Variants in FMR1NB observed in about 807,000 individuals in gnomAD.
FMR1NB encodes FMR1 neighbor, also known as FMR1 neighbor protein.
A neutral mutation model predicts 16.8 loss-of-function variants in FMR1NB; 10 were observed. That is an observed-to-expected ratio of 0.60 (90% CI 0.37 to 1.01). FMR1NB has a LOEUF of 1.01. FMR1NB is among the 50% of genes least tolerant of loss of function. FMR1NB has a pLI of 0.01. For synonymous variants in FMR1NB, 83 were observed against 79.1 expected (o/e 1.05, Z -0.26); for missense variants, 205 against 204.8 (o/e 1.00, Z 0.00).
At chrX:147,985,699 T>G (rs182027833) in intron 1 of FMR1NB, among the ~76,000 whole-genome samples, 72 of 112,496 alleles carry the variant, frequency 6.4e-4, no homozygotes, top group Middle Eastern at 9.1e-3. Flanking sequence ...GTGCCACATT[T>G]TATTTATCCA....
At chrX:147,999,823 T>C (rs1481448065) in intron 1 of FMR1NB, among the ~76,000 whole-genome samples, 1 of 111,849 alleles carries the variant, frequency 8.9e-6, no homozygotes, top group Admixed American at 9.6e-5. Context: ...AAATGGATTA[T>C]GTTTAATATT....
intron 2 of FMR1NB, among the ~76,000 whole-genome samples, chrX:148,003,643 C>A (rs2044581957): frequency 8.9e-6 from 1 of 112,276 alleles, no homozygotes; most frequent in South Asian, 3.7e-4. Flanking sequence ...AATGGCATTG[C>A]CTGAAATTCA....
chrX:148,026,223 C>T (rs1373267431), intron 5 of FMR1NB, among the ~76,000 whole-genome samples: 1 of 110,780 alleles, frequency 9.0e-6, no homozygotes, highest in Non-Finnish European at 1.9e-5. Context: ...ACTAGACTAA[C>T]AAAACTTGGT....
In FMR1NB at chrX:148,003,268, T is replaced by C; in HGVS notation, c.345T>C (p.Ser115=). The change falls in exon 2 of 6, where the codon TCT becomes TCC. Residue 115 remains serine, a synonymous_variant. Coordinates refer to ENST00000370467, the MANE Select transcript of FMR1NB (RefSeq NM_152578.3). ...ACAGTGAAAATGCTCATGGCCAATC[T>C]CTGGAAGAAGATTCCGCATTGGAAG... is the stretch of plus-strand genomic sequence containing the variant. The part of the protein sequence containing the change: ...LPNSENAHGQ[S]LEEDSALEAL... 1.7e-6 allele frequency: 2 copies of C among 1,211,347 alleles called. No homozygotes were observed. Among genetic ancestry groups the C allele is most frequent in the Non-Finnish European group, 2.2e-6 (2 of 894,935 alleles).
chrX:148,013,063 A>G (rs138143621), intron 4 of FMR1NB, among the ~76,000 whole-genome samples: 30 of 111,328 alleles, frequency 2.7e-4, no homozygotes, highest in African/African-American at 9.5e-4. Flanking sequence ...GCAAACTGGA[A>G]CTCTGTTCTA....
intron 2 of FMR1NB, among the ~76,000 whole-genome samples, chrX:148,003,871 A>C (rs1334440131): frequency 1.8e-5 from 2 of 111,989 alleles, no homozygotes; most frequent in Non-Finnish European, 3.8e-5. Context: ...AACACGTTTC[A>C]TTTTGTATAG....
intron 3 of FMR1NB, chrX:148,008,296 C>T (rs1603082149): frequency 1.0e-5 from 2 of 200,826 alleles, no homozygotes; most frequent in Non-Finnish European, 1.8e-5. Context: ...AACATATGGC[C>T]AAGAGAAAAA....
chrX:148,014,220 G>A (rs1419271396), intron 4 of FMR1NB, among the ~76,000 whole-genome samples: 1 of 111,228 alleles, frequency 9.0e-6, no homozygotes, highest in Non-Finnish European at 1.9e-5. Flanking sequence ...TTGGAGGATG[G>A]CTAGGAGGTG....
intron 4 of FMR1NB, among the ~76,000 whole-genome samples, chrX:148,024,642 A>G (rs139798304): frequency 6.2e-5 from 7 of 112,019 alleles, no homozygotes; most frequent in Non-Finnish European, 1.3e-4. Flanking sequence ...AGATGGTCAC[A>G]TAATCAAAAT....
chrX:148,019,126 T>G (rs1241432914), intron 4 of FMR1NB, among the ~76,000 whole-genome samples: 7 of 112,365 alleles, frequency 6.2e-5, no homozygotes, highest in Non-Finnish European at 1.3e-4. Flanking sequence ...AAATGTATTT[T>G]AAAATAGCCT....
At chrX:148,006,930 C>T in intron 3 of FMR1NB, 88 bp downstream of exon 3, 1 of 972,785 alleles carries the variant, frequency 1.0e-6, no homozygotes, top group South Asian at 2.2e-5. Flanking sequence ...GATTTCCTAG[C>T]TTAATACTTA....
rs144617320 is a variant in FMR1NB at position 148,023,484 on chromosome X, A to G, written c.633-1381A>G. On this transcript the variant is annotated intron_variant, in intron 4 of 5. Coordinates refer to ENST00000370467, the MANE Select transcript of FMR1NB (RefSeq NM_152578.3). ...TTCAAAGTCATAATTTCAAAGGCAG[A>G]CTTATCTTTCTCTGGGACCCACATG... Among the ~76,000 whole-genome samples, 367 of 111,217 alleles carry G rather than the reference A, an allele frequency of 3.3e-3. 2 individuals carry two copies. Among genetic ancestry groups the G allele is most frequent in the African/African-American group, 0.012 (360 of 30,590 alleles).
chrX:147,987,096 G>A (rs1334200273), intron 1 of FMR1NB, among the ~76,000 whole-genome samples: 3 of 111,243 alleles, frequency 2.7e-5, no homozygotes, highest in Admixed American at 9.6e-5. Context: ...GTGAATGGGA[G>A]TTCACTCATG....
At chrX:147,996,808 C>A in intron 1 of FMR1NB, among the ~76,000 whole-genome samples, 1 of 83,762 alleles carries the variant, frequency 1.2e-5, no homozygotes, top group Non-Finnish European at 2.3e-5. Flanking sequence ...GATTTTTAGT[C>A]TTTTATTTGT....
At chrX:148,020,640 C>T (rs944945777) in intron 4 of FMR1NB, among the ~76,000 whole-genome samples, 9 of 111,645 alleles carry the variant, frequency 8.1e-5, no homozygotes, top group African/African-American at 2.3e-4. Flanking sequence ...CCCTTTAAGG[C>T]AGTAGATTGT....
At chrX:148,017,537 T>C (rs1421494459) in intron 4 of FMR1NB, among the ~76,000 whole-genome samples, 10 of 110,690 alleles carry the variant, frequency 9.0e-5, no homozygotes, top group Non-Finnish European at 1.5e-4. Flanking sequence ...TCTTTTTTTT[T>C]CTTTTTTTTA....
intron 4 of FMR1NB, among the ~76,000 whole-genome samples, chrX:148,011,136 C>T (rs782729556): frequency 2.7e-5 from 3 of 110,607 alleles, no homozygotes; most frequent in Non-Finnish European, 3.8e-5. Flanking sequence ...TGGTGACATG[C>T]GCCTGTAATC....
Position 148,003,343 on chromosome X carries a change from T to C in FMR1NB, c.397+23T>C, listed in dbSNP as rs782029560. 8 of 1,202,207 alleles carry C rather than the reference T, an allele frequency of 6.7e-6. No individual in the cohort carries two copies. The East Asian group carries it at 1.8e-4, about 27-fold the overall frequency. On this transcript the variant is annotated intron_variant, in intron 2 of 5. Transcript: ENST00000370467. ...CAAGTAAGTTCTTGTTTGATTTTTT[T>C]CCCCCTCTAATGTTCTTGTTTTGAA...
At chrX:148,026,375 G>C (rs2044703742) in intron 5 of FMR1NB, 127 bp from the exon 6 acceptor site, 1 of 111,776 alleles carries the variant, frequency 8.9e-6, no homozygotes, top group Admixed American at 9.5e-5. Context: ...AAATACATAA[G>C]TTAATCATAA....
Sources: gnomAD v4.1 joint callset for allele counts (sites outside exome capture counted in the v4.1 genomes callset) on GRCh38, gnomAD v4.1.1 for gene constraint, MANE v1.5 for transcripts, NCBI Gene and HGNC (gene_info 2026-07-23, HGNC 2026-07-21) for gene names.